Variants in TENM2 observed in about 807,000 individuals in gnomAD.
TENM2 encodes teneurin transmembrane protein 2.
In TENM2, 52 loss-of-function variants were observed where a neutral mutation model predicts 245.2. The observed-to-expected ratio is 0.21, with a 90% confidence interval of 0.17 to 0.27. TENM2 has a LOEUF of 0.27. Ranked by LOEUF, TENM2 falls within the 10% of genes least tolerant of loss-of-function variation. TENM2 has a pLI of 1.00. For missense variants in TENM2, 3,046 were observed against 3,666.8 expected, an observed-to-expected ratio of 0.83 and a Z score of 4.37; for synonymous variants, 1,363 against 1,438.9, an observed-to-expected ratio of 0.95 and a Z score of 1.19.
chr5:167,054,663 T>A, the TENM2 span, among the ~76,000 whole-genome samples: 178 of 152,270 alleles, frequency 1.2e-3, 2 homozygotes, highest in African/African-American at 4.1e-3. Context: ...GAATTAAGAT[T>A]TCTCATTGCT....
chr5:168,181,779 C>T (rs142109877), intron 13 of TENM2, among the ~76,000 whole-genome samples: 4 of 147,690 alleles, frequency 2.7e-5, no homozygotes, highest in Non-Finnish European at 4.4e-5. Flanking sequence ...CGAGTTCAAG[C>T]GATTCTTCTG....
In TENM2 at chr5:168,054,010, T is replaced by G. The variant is rs573859380; in HGVS notation, c.1309+6461T>G. Reference sequence around the variant, plus strand: ...CAGCCACTCAATAAATTTTAGCTACTATCAATAATAGTAAACTAAACTAAA... The same window carrying G: ...CAGCCACTCAATAAATTTTAGCTACGATCAATAATAGTAAACTAAACTAAA... On this transcript the variant is annotated intron_variant, in intron 6 of 28. Coordinates refer to ENST00000518659, the Ensembl canonical transcript of TENM2. Among the ~76,000 whole-genome samples, 6 of 152,354 alleles carry G rather than the reference T, an allele frequency of 3.9e-5. No individual in the cohort carries two copies. The East Asian group carries it at 1.2e-3, about 29-fold the overall frequency.
chr5:167,004,918 G>A, the TENM2 span, among the ~76,000 whole-genome samples: 9 of 152,138 alleles, frequency 5.9e-5, no homozygotes, highest in East Asian at 9.6e-4. Context: ...TATTCACCCA[G>A]GACTTACCTT....
intron 2 of TENM2, among the ~76,000 whole-genome samples, chr5:167,445,363 A>AGAGAGAGAGAGG (rs1561961822): frequency 1.4e-5 from 2 of 139,690 alleles, no homozygotes; most frequent in African/African-American, 5.3e-5. Flanking sequence ...AGAGAGAGAG[A>AGAGAGAGAGAGG]GAGAGAGTGT....
intron 1 of TENM2, chr5:167,296,195 A>T (rs747100195): frequency 1.3e-5 from 2 of 152,192 alleles, no homozygotes; most frequent in Non-Finnish European, 2.9e-5. Flanking sequence ...CTTCGGCCAG[A>T]CCCACAAAAT....
intron 12 of TENM2, among the ~76,000 whole-genome samples, chr5:168,148,873 TGATAGATAGATAGATAGATA>T (rs752440206): frequency 6.9e-5 from 10 of 144,030 alleles, no homozygotes; most frequent in African/African-American, 2.3e-4. Flanking sequence ...TAAATATATA[TGATAGATAGATAGATAGATA>T]GATAGATAGA....
chr5:168,095,185 A>C (rs1581280087), intron 8 of TENM2, among the ~76,000 whole-genome samples: 1 of 152,196 alleles, frequency 6.6e-6, no homozygotes, highest in East Asian at 1.9e-4. Context: ...CCCAAGCCCC[A>C]GTCTGTAGAA....
chr5:167,731,016 T>G (rs1200284641), intron 2 of TENM2, among the ~76,000 whole-genome samples: 1 of 152,156 alleles, frequency 6.6e-6, no homozygotes, highest in Non-Finnish European at 1.5e-5. Context: ...TACTCTGATT[T>G]CTGTGTAGAT....
intron 2 of TENM2, among the ~76,000 whole-genome samples, chr5:167,438,086 T>C (rs1212067067): frequency 8.5e-5 from 13 of 152,138 alleles, no homozygotes; most frequent in Admixed American, 8.5e-4. Flanking sequence ...TTCCTCCATA[T>C]AAAATATAGT....
the TENM2 span, among the ~76,000 whole-genome samples, chr5:167,028,326 C>T: frequency 2.6e-5 from 4 of 151,960 alleles, no homozygotes; most frequent in Non-Finnish European, 5.9e-5. Flanking sequence ...TTTTAGACAA[C>T]TCTCTGTTTT....
At chr5:167,121,301 G>A in the TENM2 span, among the ~76,000 whole-genome samples, 59 of 152,236 alleles carry the variant, frequency 3.9e-4, no homozygotes, top group East Asian at 0.01. Flanking sequence ...GTGGTGATGG[G>A]AAACAAATAA....
At chr5:167,762,163 A>G (rs1207307282) in intron 2 of TENM2, among the ~76,000 whole-genome samples, 1 of 152,130 alleles carries the variant, frequency 6.6e-6, no homozygotes, top group African/African-American at 2.4e-5. Context: ...GCATACATGC[A>G]TATAAACACA....
chr5:167,232,208 C>G, the TENM2 span, among the ~76,000 whole-genome samples: 34 of 152,086 alleles, frequency 2.2e-4, no homozygotes, highest in African/African-American at 8.2e-4. Flanking sequence ...AGAGTCCCCA[C>G]TGGGGCACTG....
At chr5:168,042,199 A>T (rs998684121) in intron 5 of TENM2, among the ~76,000 whole-genome samples, 1 of 152,026 alleles carries the variant, frequency 6.6e-6, no homozygotes, top group Non-Finnish European at 1.5e-5. Flanking sequence ...CCCAGCAGGC[A>T]TGGCTCTCTC....
At chr5:167,320,002 AACACTTATG>A (rs1441311663) in intron 1 of TENM2, among the ~76,000 whole-genome samples, 2 of 152,218 alleles carry the variant, frequency 1.3e-5, no homozygotes, top group Non-Finnish European at 2.9e-5. Flanking sequence ...ATATGTGTTG[AACACTTATG>A]ACACTTCAGG....
At chr5:167,938,926 G>C (rs1297877455) in intron 3 of TENM2, among the ~76,000 whole-genome samples, 1 of 144,258 alleles carries the variant, frequency 6.9e-6, no homozygotes, top group Non-Finnish European at 1.5e-5. Flanking sequence ...CTGGATGACA[G>C]AGCAAGACTC....
At chr5:167,800,757 C>T (rs1056204266) in intron 2 of TENM2, among the ~76,000 whole-genome samples, 2 of 152,066 alleles carry the variant, frequency 1.3e-5, no homozygotes, top group Non-Finnish European at 2.9e-5. Context: ...TGTAAAATAA[C>T]ACACCTACCC....
intron 2 of TENM2, among the ~76,000 whole-genome samples, chr5:167,618,267 T>TGTGG (rs1470738822): frequency 2.0e-5 from 3 of 152,112 alleles, no homozygotes; most frequent in African/African-American, 7.2e-5. Flanking sequence ...ATAGTTGGCT[T>TGTGG]GTGGGTGGGT....
chr5:168,142,480 G>GTT (rs1186396666), intron 12 of TENM2, among the ~76,000 whole-genome samples: 1 of 152,230 alleles, frequency 6.6e-6, no homozygotes, highest in Non-Finnish European at 1.5e-5. Flanking sequence ...GCGTTATAAA[G>GTT]TTATGTCTTT....
Sources: gnomAD v4.1 joint callset for allele counts (sites outside exome capture counted in the v4.1 genomes callset) on GRCh38, gnomAD v4.1.1 for gene constraint, MANE v1.5 for transcripts, NCBI Gene and HGNC (gene_info 2026-07-23, HGNC 2026-07-21) for gene names.